RIOK3: variants seen among roughly 807,000 people sequenced by gnomAD.
RIOK3 encodes RIO kinase 3.
Under a neutral mutation model 63.5 loss-of-function variants are expected in RIOK3, and 40 were observed. The ratio of observed to expected loss-of-function variants is 0.63; its 90% CI spans 0.49 to 0.82. The LOEUF is 0.82. Ranked by LOEUF, RIOK3 falls within the 40% of genes least tolerant of loss-of-function variation. The probability of loss-of-function intolerance (pLI) is 0.00; values close to 1 mark genes in which losing one functional copy is unlikely to be tolerated. For missense variants in RIOK3, 557 were observed against 637.0 expected (o/e 0.87, Z 1.35); for synonymous variants, 193 against 205.0 (o/e 0.94, Z 0.50).
intron 1 of RIOK3, among the ~76,000 whole-genome samples, chr18:23,457,230 G>T (rs1226323558): frequency 1.3e-5 from 2 of 152,120 alleles, no homozygotes; most frequent in African/African-American, 4.8e-5. Context: ...AGAATTTTAG[G>T]GGATATTCCA....
chr18:23,467,314 CA>C (rs369789772), intron 6 of RIOK3, 84 bp from the exon 7 acceptor site: 37,134 of 1,025,876 alleles, frequency 0.036, 20 homozygotes, highest in South Asian at 0.045. Context: ...GACTCCGTCT[CA>C]AAAAAAAAAA....
At chr18:23,472,232 C>CAAA (rs34781307) in intron 7 of RIOK3, among the ~76,000 whole-genome samples, 1,639 of 138,894 alleles carry the variant, frequency 0.012, 35 homozygotes, top group African/African-American at 0.04. Flanking sequence ...GACTCTGTCT[C>CAAA]AAAAAAAAAA....
chr18:23,460,358 G>A (rs1240930786), intron 1 of RIOK3, among the ~76,000 whole-genome samples: 1 of 152,160 alleles, frequency 6.6e-6, no homozygotes, highest in South Asian at 2.1e-4. Flanking sequence ...ACACATTTCG[G>A]GGTGAGATGA....
chr18:23,470,762 G>A, intron 7 of RIOK3, among the ~76,000 whole-genome samples: 1 of 152,148 alleles, frequency 6.6e-6, no homozygotes, highest in East Asian at 1.9e-4. Flanking sequence ...AGAGGGATGT[G>A]TCATTTGCTG....
rs148423683 is a variant in RIOK3 at position 23,474,951 on chromosome 18, G to A, written c.1017G>A (p.Met339Ile). ...AEKEMHNLAR[M>I]QRAGIPCPTV... ...TGAATCATTTCTTTATGTATAGAAT[G>A]CAGAGAGCTGGAATTCCTTGTCCAA... Residue 339 changes from methionine (M) to isoleucine (I), a missense_variant, in exon 9 of 13, where the codon ATG (methionine) becomes ATA (isoleucine). Met to Ile is a conservative substitution (Grantham distance 10). This residue lies in a region of RIOK3 where 309 missense variants were observed against 338.7 expected (regional missense o/e 0.91). Coordinates refer to ENST00000339486, the MANE Select transcript of RIOK3 (RefSeq NM_003831.5). 1.2e-6 allele frequency: 2 copies of A among 1,604,260 alleles called. No individual in the cohort carries two copies. Among genetic ancestry groups the A allele is most frequent in the Non-Finnish European group, 1.7e-6 (2 of 1,172,078 alleles).
At chr18:23,463,139 G>A in intron 2 of RIOK3, 60 bp downstream of exon 2, 1 of 1,150,962 alleles carries the variant, frequency 8.7e-7, no homozygotes, top group Non-Finnish European at 1.3e-6. Flanking sequence ...AGGATTTGAT[G>A]AGTAATTGTC....
At chr18:23,478,967 G>A (rs1416917868) in intron 11 of RIOK3, 2 of 202,382 alleles carry the variant, frequency 9.9e-6, no homozygotes, top group Admixed American at 1.0e-4. Flanking sequence ...AAAGCAACTA[G>A]AACCTGAGTA....
At chr18:23,480,103 C>T (rs952775210) in intron 12 of RIOK3, among the ~76,000 whole-genome samples, 7 of 152,156 alleles carry the variant, frequency 4.6e-5, no homozygotes, top group African/African-American at 7.2e-5. Flanking sequence ...TTTGGAAATA[C>T]CCGGTTATTA....
In RIOK3 at chr18:23,481,205, G is replaced by A. The variant is rs374569673; in HGVS notation, c.1486G>A (p.Val496Ile). Residue 496 changes from valine to isoleucine, a missense_variant, in exon 13 of 13, where the codon GTT becomes ATT. Val to Ile is a conservative substitution (Grantham distance 29). Around this residue, in one of 3 missense-constraint regions of RIOK3, gnomAD observed 309 missense variants for 338.7 expected, o/e 0.91. Transcript: ENST00000339486. ...TTTGGAGAAAATGAATGAAGATCACGTTCAGAAGAATGGAAGGAAAGCTGC... is the reference window on the plus strand; with the variant it reads ...TTTGGAGAAAATGAATGAAGATCACATTCAGAAGAATGGAAGGAAAGCTGC... ...EALEKMNEDHVQKNGRKAASF... is the reference protein window; with the variant it reads ...EALEKMNEDHIQKNGRKAASF... The A allele has an allele frequency of 1.4e-5, 23 of 1,612,322 alleles. No homozygotes were observed. The highest frequency in any genetic ancestry group is 1.1e-4 in the East Asian group (5 of 44,874).
At chr18:23,461,839 C>T (rs2057373496) in intron 1 of RIOK3, among the ~76,000 whole-genome samples, 2 of 151,946 alleles carry the variant, frequency 1.3e-5, no homozygotes, top group Admixed American at 6.6e-5. Flanking sequence ...CCTGTAATCC[C>T]AGCACTTTGG....
intron 7 of RIOK3, among the ~76,000 whole-genome samples, chr18:23,468,719 A>G (rs1257659243): frequency 6.6e-6 from 1 of 152,228 alleles, no homozygotes; most frequent in Non-Finnish European, 1.5e-5. Context: ...TCAGTTTTCT[A>G]CAGCTAAAAG....
At chr18:23,468,658 G>T (rs2057427292) in intron 7 of RIOK3, among the ~76,000 whole-genome samples, 1 of 152,120 alleles carries the variant, frequency 6.6e-6, no homozygotes, top group South Asian at 2.1e-4. Flanking sequence ...GGTGGAATTG[G>T]TATCATAATC....
chr18:23,473,455 A>G lies in RIOK3; in HGVS notation c.842A>G (p.Lys281Arg). 6.2e-7 allele frequency: 1 copy of G among 1,610,540 alleles called. No individual in the cohort carries two copies. The highest frequency in any genetic ancestry group is 2.2e-5 in the East Asian group (1 of 44,784). ...ATGGAGGATGAAAAGGAAGATAGTA[A>G]AGTTATACCTACAGAATGTGCCATC... ...GSMEDEKEDS[K>R]VIPTECAIKV... Residue 281 changes from lysine (K) to arginine (R), a missense_variant, in exon 8 of 13, where the codon AAA becomes AGA. Lys to Arg is a conservative substitution (Grantham distance 26, BLOSUM62 2). Around this residue, in one of 3 missense-constraint regions of RIOK3, gnomAD observed 309 missense variants for 338.7 expected, o/e 0.91. Transcript: ENST00000339486.
intron 7 of RIOK3, among the ~76,000 whole-genome samples, chr18:23,472,129 A>G (rs2057460390): frequency 6.6e-6 from 1 of 151,996 alleles, no homozygotes; most frequent in Non-Finnish European, 1.5e-5. Flanking sequence ...GCTACTCAAG[A>G]GGCTGAGGCA....
intron 11 of RIOK3, 30 bp from the exon 12 acceptor site, chr18:23,479,287 C>A: frequency 7.2e-7 from 1 of 1,395,918 alleles, no homozygotes; most frequent in South Asian, 1.2e-5. Context: ...GCTAATACTT[C>A]TTACTGACTT....
intron 7 of RIOK3, among the ~76,000 whole-genome samples, chr18:23,470,180 C>T (rs527856194): frequency 1.1e-4 from 17 of 152,084 alleles, no homozygotes; most frequent in Admixed American, 9.2e-4. Context: ...CTGGTTAACA[C>T]GGTGAAACTC....
At chr18:23,475,738 G>A (rs1213977066) in intron 9 of RIOK3, among the ~76,000 whole-genome samples, 2 of 152,132 alleles carry the variant, frequency 1.3e-5, no homozygotes, top group African/African-American at 4.8e-5. Context: ...CTGAAGAGTT[G>A]TTTTTCTATC....
At chr18:23,467,575 C>G (rs2050715943) in intron 7 of RIOK3, 49 bp downstream of exon 7, 3 of 1,553,770 alleles carry the variant, frequency 1.9e-6, no homozygotes, top group Non-Finnish European at 2.6e-6. Context: ...AGTCTCTTCT[C>G]CCCAAGATTA....
At chr18:23,480,551 G>GCACA (rs1362909473) in intron 12 of RIOK3, among the ~76,000 whole-genome samples, 130 of 46,876 alleles carry the variant, frequency 2.8e-3, no homozygotes, top group East Asian at 0.011. Flanking sequence ...ATACTTGGAT[G>GCACA]CACGCACACA....
Sources: gnomAD v4.1 joint callset for allele counts (sites outside exome capture counted in the v4.1 genomes callset) on GRCh38, gnomAD v4.1.1 for gene constraint, gnomAD v4.1.1 regional missense constraint, MANE v1.5 for transcripts, NCBI Gene and HGNC (gene_info 2026-07-23, HGNC 2026-07-21) for gene names.